Variants in ZNF710 observed in about 807,000 individuals in gnomAD.
ZNF710 encodes zinc finger protein 710.
In ZNF710, 13 loss-of-function variants were observed where a neutral mutation model predicts 50.6. The ratio of observed to expected loss-of-function variants is 0.26; its 90% CI spans 0.17 to 0.41. The LOEUF (loss-of-function observed/expected upper bound fraction) is 0.41, where lower values mean the gene tolerates loss of function less well. ZNF710 is among the 10% of genes least tolerant of loss of function. ZNF710 has a pLI of 1.00. For missense variants in ZNF710, 721 were observed against 936.6 expected (o/e 0.77, Z 3.01); for synonymous variants, 383 against 397.0 (o/e 0.96, Z 0.42).
At chr15:90,008,946 G>A (rs1379712030) in intron 1 of ZNF710, among the ~76,000 whole-genome samples, 1 of 152,082 alleles carries the variant, frequency 6.6e-6, no homozygotes, top group Non-Finnish European at 1.5e-5. Flanking sequence ...ATCATATTGC[G>A]ACCCAACTAT....
intron 1 of ZNF710, among the ~76,000 whole-genome samples, chr15:90,055,174 AG>A (rs1263364527): frequency 6.6e-6 from 1 of 152,206 alleles, no homozygotes; most frequent in African/African-American, 2.4e-5. Flanking sequence ...AGTTACAATA[AG>A]GTCCAGGAAG....
At chr15:90,024,170 A>G (rs1898703849) in intron 1 of ZNF710, among the ~76,000 whole-genome samples, 1 of 152,170 alleles carries the variant, frequency 6.6e-6, no homozygotes, top group Non-Finnish European at 1.5e-5. Context: ...GAGCATTCCC[A>G]GAAAACAAGA....
rs115393273 is a variant in ZNF710 at position 90,028,797 on chromosome 15, G to C, written c.-29+27183G>C. On this transcript the variant is annotated intron_variant, in intron 1 of 4. Coordinates refer to ENST00000268154, the MANE Select transcript of ZNF710 (RefSeq NM_198526.4). ...GTGTGAACGGTGTGACTATGAACAT[G>C]GGTGATCGATTACGGACATGCAAGA... Among the ~76,000 whole-genome samples, 454 of 152,276 alleles carry C rather than the reference G, an allele frequency of 3.0e-3. 1 individual carries two copies. The highest frequency in any genetic ancestry group is 0.01 in the African/African-American group (431 of 41,532).
At chr15:90,048,575 C>CCT (rs1899540307) in intron 1 of ZNF710, among the ~76,000 whole-genome samples, 1 of 152,214 alleles carries the variant, frequency 6.6e-6, no homozygotes, top group Non-Finnish European at 1.5e-5. Context: ...CCAGCCCTTC[C>CCT]CTCTGACCCA....
intron 1 of ZNF710, among the ~76,000 whole-genome samples, chr15:90,054,231 C>T (rs1596290976): frequency 6.6e-6 from 1 of 151,898 alleles, no homozygotes; most frequent in Non-Finnish European, 1.5e-5. Context: ...AAGGCAGGAC[C>T]GAGTGGCAGA....
intron 1 of ZNF710, among the ~76,000 whole-genome samples, chr15:90,005,145 G>A (rs1313220643): frequency 2.6e-5 from 4 of 152,222 alleles, no homozygotes; most frequent in South Asian, 2.1e-4. Flanking sequence ...GAGGGTAGAC[G>A]TCTTTGCTTT....
chr15:90,022,697 GA>G (rs1898660119), intron 1 of ZNF710, among the ~76,000 whole-genome samples: 1 of 152,194 alleles, frequency 6.6e-6, no homozygotes, highest in African/African-American at 2.4e-5. Flanking sequence ...AAACCCCTCA[GA>G]GGAATACATA....
intron 1 of ZNF710, among the ~76,000 whole-genome samples, chr15:90,055,740 G>A (rs1172836421): frequency 6.6e-6 from 1 of 152,204 alleles, no homozygotes; most frequent in African/African-American, 2.4e-5. Flanking sequence ...GTCCCCAGAC[G>A]GTAGAAGGCA....
At chr15:90,021,014 C>A (rs1376270889) in intron 1 of ZNF710, among the ~76,000 whole-genome samples, 1 of 105,048 alleles carries the variant, frequency 9.5e-6, no homozygotes, top group East Asian at 2.0e-4. Flanking sequence ...GTGGCACCCC[C>A]CCCCCCTTAG....
intron 2 of ZNF710, among the ~76,000 whole-genome samples, chr15:90,070,046 T>C (rs1034386482): frequency 2.0e-5 from 3 of 152,186 alleles, no homozygotes; most frequent in Admixed American, 6.6e-5. Context: ...TGAGTGATAC[T>C]CCAGGTCAAA....
At chr15:90,005,682 T>A (rs2151457210) in intron 1 of ZNF710, among the ~76,000 whole-genome samples, 1 of 152,342 alleles carries the variant, frequency 6.6e-6, no homozygotes, top group Non-Finnish European at 1.5e-5. Context: ...TCTCTTCACC[T>A]CGTGATCTGC....
rs1283307919 is a variant in ZNF710, at chr15:90,062,714, A to G, written c.-28-4396A>G. On this transcript the variant is annotated intron_variant, in intron 1 of 4. Transcript: ENST00000268154. The surrounding 1 kb of genome is among the most constrained non-coding windows in gnomAD (Gnocchi z 5.6). ...CAATGCTGGCCCAGGAGGAGGGAGA[A>G]CAGAGTGATACCGGGCCTCCCCACT... Among the ~76,000 whole-genome samples, 1 of 152,170 alleles carries G rather than the reference A, an allele frequency of 6.6e-6. No individual in the cohort carries two copies. The highest frequency in any genetic ancestry group is 1.5e-5 in the Non-Finnish European group (1 of 68,016).
Position 90,081,289 on chromosome 15 carries a change from GA to G in ZNF710, c.*1463del, listed in dbSNP as rs3840033. The G allele has an allele frequency of 0.51, 77,325 of 152,076 alleles. 19,831 individuals are homozygous for G. Among genetic ancestry groups the G allele is most frequent in the Non-Finnish European group, 0.54 (36,638 of 68,030 alleles). 9.4% of individuals were successfully genotyped at this position (152,076 alleles called of 1,614,324 possible). A position where few individuals can be genotyped will look rare whatever the true frequency, so the allele number is the denominator to read the frequency against. On this transcript the variant is annotated 3_prime_UTR_variant, in exon 5 of 5. Coordinates refer to ENST00000268154, the MANE Select transcript of ZNF710 (RefSeq NM_198526.4). ...CCAGAGATGACAGGCCCAGGGCAGT[GA>G]AATAGCACATTCAGGAACTCTAGGG...
intron 1 of ZNF710, among the ~76,000 whole-genome samples, chr15:90,022,372 T>A (rs963806739): frequency 6.6e-6 from 1 of 151,810 alleles, no homozygotes; most frequent in Non-Finnish European, 1.5e-5. Flanking sequence ...TGAGACTCTG[T>A]CTCAAAAAAA....
At chr15:90,011,747 CTTT>C (rs752397419) in intron 1 of ZNF710, among the ~76,000 whole-genome samples, 3 of 152,122 alleles carry the variant, frequency 2.0e-5, no homozygotes, top group Non-Finnish European at 2.9e-5. Flanking sequence ...CATCCTTATT[CTTT>C]TTTTTCTTCT....
intron 1 of ZNF710, among the ~76,000 whole-genome samples, chr15:90,030,329 C>CAAAAAAAAAAA (rs10685083): frequency 6.3e-4 from 32 of 50,476 alleles, no homozygotes; most frequent in Non-Finnish European, 8.2e-4. Flanking sequence ...AACTCCATCT[C>CAAAAAAAAAAA]AAAAAAAAAA....
intron 1 of ZNF710, among the ~76,000 whole-genome samples, chr15:90,039,186 G>T (rs1899225363): frequency 6.6e-6 from 1 of 152,142 alleles, no homozygotes; most frequent in Non-Finnish European, 1.5e-5. Flanking sequence ...GGCTGAGGCA[G>T]GAGAATCGCT....
At chr15:90,033,666 C>T (rs1159637316) in intron 1 of ZNF710, among the ~76,000 whole-genome samples, 2 of 152,190 alleles carry the variant, frequency 1.3e-5, no homozygotes, top group Non-Finnish European at 2.9e-5. Flanking sequence ...CTGAGCGATC[C>T]TCCCAACTCA....
intron 1 of ZNF710, among the ~76,000 whole-genome samples, chr15:90,027,179 G>T (rs527686074): frequency 6.6e-6 from 1 of 152,064 alleles, no homozygotes; most frequent in South Asian, 2.1e-4. Flanking sequence ...CAACAGATTT[G>T]ACTACCTTAA....
Sources: gnomAD v4.1 joint callset for allele counts (sites outside exome capture counted in the v4.1 genomes callset) on GRCh38, gnomAD v4.1.1 for gene constraint, Gnocchi (gnomAD v3.1) non-coding constraint, MANE v1.5 for transcripts, NCBI Gene and HGNC (gene_info 2026-07-23, HGNC 2026-07-21) for gene names.